The following FTCDNL1 variants were observed in gnomAD, a reference collection of about 807,000 sequenced individuals.
FTCDNL1 encodes the protein formiminotransferase cyclodeaminase N-terminal like, also known as formiminotransferase N-terminal subdomain-containing protein.
Under a neutral mutation model 5.9 loss-of-function variants are expected in FTCDNL1, and 11 were observed. The observed-to-expected ratio is 1.87, with a 90% confidence interval of 1.18 to 3.10. The LOEUF (loss-of-function observed/expected upper bound fraction) is 3.10. Ranked by LOEUF, FTCDNL1 falls within the 30% of genes most tolerant of loss-of-function variation. FTCDNL1 has a pLI of 0.00. For synonymous variants in FTCDNL1, 58 were observed against 24.8 expected (o/e 2.34, Z -3.99); for missense variants, 115 against 65.5 (o/e 1.76, Z -2.61).
the FTCDNL1 span, among the ~76,000 whole-genome samples, chr2:199,676,330 T>A: frequency 3.1e-4 from 47 of 152,282 alleles, no homozygotes; most frequent in Non-Finnish European, 6.3e-4. Flanking sequence ...AGCATATTTG[T>A]TCCTATTGAG....
intron 3 of FTCDNL1, among the ~76,000 whole-genome samples, chr2:199,776,099 A>T (rs951448586): frequency 1.3e-5 from 2 of 152,038 alleles, no homozygotes. Context: ...TTTTTAGTAG[A>T]GATGGGGTTT....
chr2:199,805,915 T>C (rs960483798), downstream of FTCDNL1, among the ~76,000 whole-genome samples: 1 of 149,666 alleles, frequency 6.7e-6, no homozygotes, highest in Non-Finnish European at 1.5e-5. Context: ...CAAGACCTTG[T>C]CTTGAAAAAA....
intron 3 of FTCDNL1, among the ~76,000 whole-genome samples, chr2:199,776,925 T>G (rs1226098901): frequency 6.9e-6 from 1 of 144,928 alleles, no homozygotes; most frequent in African/African-American, 2.7e-5. Context: ...TGTATATATA[T>G]ATACACACAC....
At chr2:199,741,532 A>C in the FTCDNL1 span, among the ~76,000 whole-genome samples, 1 of 152,306 alleles carries the variant, frequency 6.6e-6, no homozygotes, top group African/African-American at 2.4e-5. Flanking sequence ...TTTCAGAATA[A>C]TTATTATACT....
At chr2:199,782,800 C>A (rs576959298) in intron 3 of FTCDNL1, among the ~76,000 whole-genome samples, 37 of 152,330 alleles carry the variant, frequency 2.4e-4, no homozygotes, top group African/African-American at 7.2e-4. Flanking sequence ...TGTTTCATAA[C>A]TGTATACTAT....
At chr2:199,701,938 G>A in the FTCDNL1 span, among the ~76,000 whole-genome samples, 3 of 152,164 alleles carry the variant, frequency 2.0e-5, no homozygotes, top group South Asian at 2.1e-4. Flanking sequence ...AGGAGGCTGA[G>A]GCATGAGAAT....
intron 3 of FTCDNL1, among the ~76,000 whole-genome samples, chr2:199,834,285 G>A (rs1253162765): frequency 2.0e-5 from 3 of 152,102 alleles, no homozygotes; most frequent in East Asian, 1.9e-4. Context: ...CACCCTGATC[G>A]CGGACTTCTA....
chr2:199,754,073 A>G, the FTCDNL1 span, among the ~76,000 whole-genome samples: 1 of 152,236 alleles, frequency 6.6e-6, no homozygotes, highest in East Asian at 1.9e-4. Flanking sequence ...GCAGGGCCTC[A>G]GGGCCTTCTC....
At chr2:199,771,739 A>G (rs1367011623) in intron 3 of FTCDNL1, among the ~76,000 whole-genome samples, 1 of 152,198 alleles carries the variant, frequency 6.6e-6, no homozygotes, top group Non-Finnish European at 1.5e-5. Context: ...CAATGTTATG[A>G]TTTTCTTGTA....
chr2:199,826,180 G>A (rs1456196911), intron 3 of FTCDNL1, among the ~76,000 whole-genome samples: 22 of 152,202 alleles, frequency 1.4e-4, no homozygotes. Context: ...TGCTTACAAA[G>A]GAGATTCTTT....
the FTCDNL1 span, among the ~76,000 whole-genome samples, chr2:199,704,575 G>A: frequency 6.6e-6 from 1 of 152,134 alleles, no homozygotes; most frequent in Non-Finnish European, 1.5e-5. Flanking sequence ...CAGGACTCAA[G>A]GTGGCACCTT....
the FTCDNL1 span, among the ~76,000 whole-genome samples, chr2:199,698,959 G>A: frequency 6.6e-6 from 1 of 151,988 alleles, no homozygotes; most frequent in Non-Finnish European, 1.5e-5. Context: ...CACAGAAATA[G>A]AAAAAATCCT....
At chr2:199,801,645 AATGTG>A (rs1167098652) in intron 3 of FTCDNL1, among the ~76,000 whole-genome samples, 1 of 151,258 alleles carries the variant, frequency 6.6e-6, no homozygotes. Flanking sequence ...ACAGAGTGAC[AATGTG>A]TCTCAAAAAA....
the FTCDNL1 span, among the ~76,000 whole-genome samples, chr2:199,689,810 TA>T: frequency 3.9e-3 from 454 of 116,948 alleles, 2 homozygotes; most frequent in African/African-American, 0.013. Context: ...AAACTCCGTC[TA>T]AAAAAAAAAA....
chr2:199,773,227 G>T (rs1698899669), intron 3 of FTCDNL1, among the ~76,000 whole-genome samples: 1 of 152,100 alleles, frequency 6.6e-6, no homozygotes, highest in Admixed American at 6.5e-5. Flanking sequence ...AATGTGGAGG[G>T]TTTCACTAGC....
At chr2:199,791,415 T>C (rs1699919549) in intron 3 of FTCDNL1, among the ~76,000 whole-genome samples, 1 of 152,254 alleles carries the variant, frequency 6.6e-6, no homozygotes, top group Non-Finnish European at 1.5e-5. Flanking sequence ...TACAGTTTTT[T>C]AAAAATAGAA....
At chr2:199,805,520 C>G (rs1008543649), downstream of FTCDNL1, among the ~76,000 whole-genome samples, 1 of 152,106 alleles carries the variant, frequency 6.6e-6, no homozygotes, top group Non-Finnish European at 1.5e-5. Flanking sequence ...AGGCGGATCA[C>G]TTGAGGTCAG....
the FTCDNL1 span, among the ~76,000 whole-genome samples, chr2:199,736,277 A>G: frequency 1.3e-5 from 2 of 152,340 alleles, no homozygotes; most frequent in South Asian, 4.1e-4. Flanking sequence ...CTGACTCTTA[A>G]AAACATGCCT....
At chr2:199,771,114 C>G (rs1698785658) in intron 3 of FTCDNL1, among the ~76,000 whole-genome samples, 1 of 152,218 alleles carries the variant, frequency 6.6e-6, no homozygotes, top group South Asian at 2.1e-4. Context: ...TAGAGAATGA[C>G]AGGCATGCGC....
Sources: gnomAD v4.1 joint callset for allele counts (sites outside exome capture counted in the v4.1 genomes callset) on GRCh38, gnomAD v4.1.1 for gene constraint, MANE v1.5 for transcripts, NCBI Gene and HGNC (gene_info 2026-07-23, HGNC 2026-07-21) for gene names.